The following GRIP1 variants were observed in gnomAD, a reference collection of about 807,000 sequenced individuals.
The protein encoded by GRIP1 is glutamate receptor-interacting protein 1.
GRIP1 carries 45 observed loss-of-function variants against 129.9 expected under a neutral mutation model. The observed-to-expected ratio is 0.35, with a 90% CI of 0.27 to 0.44. The LOEUF (loss-of-function observed/expected upper bound fraction) is 0.44, where lower values mean the gene tolerates loss of function less well. Ranked by LOEUF, GRIP1 falls within the 20% of genes least tolerant of loss-of-function variation. The pLI is 1.00. For missense variants in GRIP1, 1,196 were observed against 1,396.8 expected (o/e 0.86, Z 2.29); for synonymous variants, 530 against 520.8 (o/e 1.02, Z -0.24).
Position 66,391,856 on chromosome 12 carries a change from GA to G in GRIP1, c.2464+451del, listed in dbSNP as rs931658462. Among the ~76,000 whole-genome samples, 46 of 146,738 alleles carry G rather than the reference GA, an allele frequency of 3.1e-4. 1 individual carries two copies. The highest frequency in any genetic ancestry group is 7.7e-4 in the African/African-American group (31 of 40,058). ...ACAGAGTGAGACCCAGTCTCTAAAA[GA>G]AAAAAAAAAGTCAGGAGTGTGCAGG... On this transcript the variant is annotated intron_variant, in intron 19 of 24. Coordinates refer to ENST00000359742, the MANE Select transcript of GRIP1 (RefSeq NM_001366722.1).
intron 1 of GRIP1, among the ~76,000 whole-genome samples, chr12:66,745,544 C>T (rs573951371): frequency 1.2e-4 from 18 of 152,256 alleles, no homozygotes; most frequent in South Asian, 6.2e-4. Flanking sequence ...AAAGCAAATA[C>T]ACGCATGAAA....
At chr12:66,958,686 T>C (rs187016074) in intron 1 of GRIP1, among the ~76,000 whole-genome samples, 106 of 152,370 alleles carry the variant, frequency 7.0e-4, no homozygotes, top group African/African-American at 2.4e-3. Flanking sequence ...ACTGTGTGGA[T>C]AAACTGTAAT....
intron 1 of GRIP1, among the ~76,000 whole-genome samples, chr12:66,710,825 A>G (rs2035689320): frequency 1.3e-5 from 2 of 152,088 alleles, no homozygotes; most frequent in Admixed American, 1.3e-4. Flanking sequence ...CTTAGGGGGA[A>G]GAGATACAAT....
chr12:66,858,797 G>A (rs1345603825), intron 1 of GRIP1, among the ~76,000 whole-genome samples: 2 of 151,842 alleles, frequency 1.3e-5, no homozygotes, highest in Admixed American at 6.6e-5. Context: ...GTGGTATGGG[G>A]GGAGAGGGGG....
At chr12:66,598,296 T>C (rs1253013012) in intron 1 of GRIP1, among the ~76,000 whole-genome samples, 1 of 152,182 alleles carries the variant, frequency 6.6e-6, no homozygotes, top group African/African-American at 2.4e-5. Context: ...AAGGAAAAGA[T>C]TAACACTGCT....
intron 1 of GRIP1, among the ~76,000 whole-genome samples, chr12:66,936,661 G>A (rs2041490814): frequency 6.6e-6 from 1 of 152,126 alleles, no homozygotes; most frequent in South Asian, 2.1e-4. Flanking sequence ...GGTGGCCTGG[G>A]CACCCCTGAG....
chr12:66,917,947 AACACACACACACACACAC>A (rs58387290), intron 1 of GRIP1, among the ~76,000 whole-genome samples: 7 of 147,532 alleles, frequency 4.7e-5, no homozygotes, highest in African/African-American at 1.8e-4. Flanking sequence ...GAGATGTATA[AACACACACACACACACAC>A]ACACACACAC....
At chr12:66,925,620 C>T (rs866403078) in intron 1 of GRIP1, among the ~76,000 whole-genome samples, 54 of 152,102 alleles carry the variant, frequency 3.6e-4, no homozygotes, top group African/African-American at 1.2e-3. Context: ...CTACAATATA[C>T]TAGATTATAG....
At chr12:66,414,884 G>C (rs1048609109) in intron 15 of GRIP1, among the ~76,000 whole-genome samples, 1 of 147,484 alleles carries the variant, frequency 6.8e-6, no homozygotes, top group African/African-American at 2.6e-5. Context: ...GGGAGAACTG[G>C]CTAATCGTAT....
chr12:66,408,450 C>CT (rs2057275157), intron 15 of GRIP1, among the ~76,000 whole-genome samples: 1 of 152,066 alleles, frequency 6.6e-6, no homozygotes. Context: ...GCACTCCAGC[C>CT]TGGGCAACAG....
intron 19 of GRIP1, among the ~76,000 whole-genome samples, chr12:66,382,503 G>A (rs1195836974): frequency 1.1e-4 from 17 of 152,152 alleles, no homozygotes; most frequent in Admixed American, 1.1e-3. Flanking sequence ...TTACCAGGTT[G>A]ATAAGAAAAT....
At chr12:66,381,396 G>A (rs897232323) in intron 19 of GRIP1, among the ~76,000 whole-genome samples, 5 of 152,148 alleles carry the variant, frequency 3.3e-5, no homozygotes, top group African/African-American at 1.2e-4. Context: ...ATTTCATCCT[G>A]GCTCCCTCTG....
chr12:66,870,570 G>A (rs1445411746), intron 1 of GRIP1, among the ~76,000 whole-genome samples: 1 of 152,118 alleles, frequency 6.6e-6, no homozygotes, highest in African/African-American at 2.4e-5. Context: ...TAGTTTTGAA[G>A]TGTTATTTCT....
intron 1 of GRIP1, among the ~76,000 whole-genome samples, chr12:66,811,966 T>A (rs57096278): frequency 0.049 from 7,422 of 152,230 alleles, 518 homozygotes; most frequent in African/African-American, 0.15. Context: ...CTCGGCCTTT[T>A]TCTCTTAAAG....
intron 1 of GRIP1, among the ~76,000 whole-genome samples, chr12:66,756,209 G>A (rs1233371405): frequency 2.0e-5 from 3 of 151,996 alleles, no homozygotes; most frequent in African/African-American, 7.2e-5. Context: ...CCAGACCCTG[G>A]CAGCCACCAG....
At chr12:66,679,778 T>C (rs1453885315), upstream of GRIP1, among the ~76,000 whole-genome samples, 1 of 152,194 alleles carries the variant, frequency 6.6e-6, no homozygotes, top group Non-Finnish European at 1.5e-5. Flanking sequence ...ATTTTTAATA[T>C]ACTTTATTAT....
In GRIP1 at chr12:66,610,457, A is replaced by T. The variant is rs377030015; in HGVS notation, c.56-13530T>A. Reference sequence around the variant, plus strand: ...CAATGGGCAAAAGTCGGAAACCACCATCTCTATCTCAGTGACTTCTTATGG... The same window carrying T: ...CAATGGGCAAAAGTCGGAAACCACCTTCTCTATCTCAGTGACTTCTTATGG... On this transcript the variant is annotated intron_variant, in intron 1 of 24. Coordinates refer to ENST00000359742, the MANE Select transcript of GRIP1 (RefSeq NM_001366722.1). Among the ~76,000 whole-genome samples the T allele has an allele frequency of 5.9e-5, 9 of 152,278 alleles. No homozygotes were observed. The East Asian group carries it at 1.2e-3, about 20-fold the overall frequency.
At chr12:66,744,377 C>T (rs1417535913) in intron 1 of GRIP1, among the ~76,000 whole-genome samples, 3 of 152,078 alleles carry the variant, frequency 2.0e-5, no homozygotes, top group Non-Finnish European at 2.9e-5. Flanking sequence ...CTTTTTAGGA[C>T]ACTGTGCCCG....
chr12:66,481,256 A>AT (rs1421152870), intron 7 of GRIP1, among the ~76,000 whole-genome samples: 1 of 143,544 alleles, frequency 7.0e-6, no homozygotes, highest in Non-Finnish European at 1.6e-5. Flanking sequence ...TCACAAGAAA[A>AT]AAAAAGCAAC....
Sources: gnomAD v4.1 joint callset for allele counts (sites outside exome capture counted in the v4.1 genomes callset) on GRCh38, gnomAD v4.1.1 for gene constraint, MANE v1.5 for transcripts, NCBI Gene and HGNC (gene_info 2026-07-23, HGNC 2026-07-21) for gene names.